Variants in LHFPL6 observed in about 807,000 individuals in gnomAD.
LHFPL6 encodes the protein LHFPL tetraspan subfamily member 6, also known as LHFPL tetraspan subfamily member 6 protein.
A neutral mutation model predicts 20.6 loss-of-function variants in LHFPL6; 9 were observed. That is an observed-to-expected ratio of 0.44 (90% CI 0.26 to 0.76). LHFPL6 has a LOEUF of 0.76. LHFPL6 is among the 30% of genes least tolerant of loss of function. The pLI is 0.20. For missense variants in LHFPL6, 218 were observed against 253.5 expected, an observed-to-expected ratio of 0.86 and a Z score of 0.95; for synonymous variants, 105 against 98.7, an observed-to-expected ratio of 1.06 and a Z score of -0.38.
intron 2 of LHFPL6, among the ~76,000 whole-genome samples, chr13:39,522,210 A>T (rs1464565512): frequency 6.6e-6 from 1 of 152,224 alleles, no homozygotes; most frequent in Non-Finnish European, 1.5e-5. Flanking sequence ...ATATTAATCC[A>T]GTAAACCCTC....
chr13:39,356,870 T>A (rs1453991014), intron 3 of LHFPL6, among the ~76,000 whole-genome samples: 1 of 152,172 alleles, frequency 6.6e-6, no homozygotes, highest in Non-Finnish European at 1.5e-5. Context: ...AATCAGAAAC[T>A]TAAAAAGCTA....
chr13:39,586,419 C>T (rs190031191), intron 2 of LHFPL6, among the ~76,000 whole-genome samples: 94 of 152,302 alleles, frequency 6.2e-4, no homozygotes, highest in Admixed American at 5.9e-3. Context: ...ACCACATCTA[C>T]ATACCATGGT....
intron 3 of LHFPL6, among the ~76,000 whole-genome samples, chr13:39,352,483 C>T (rs1342807664): frequency 6.6e-6 from 1 of 152,182 alleles, no homozygotes; most frequent in East Asian, 1.9e-4. Flanking sequence ...AGTTCCTGCC[C>T]TCTGACTGCA....
At chr13:39,587,648 T>C (rs566879440) in intron 2 of LHFPL6, among the ~76,000 whole-genome samples, 3 of 152,124 alleles carry the variant, frequency 2.0e-5, no homozygotes, top group South Asian at 4.1e-4. Context: ...TCCTAGATAT[T>C]TCAAACACAG....
intron 2 of LHFPL6, among the ~76,000 whole-genome samples, chr13:39,575,753 G>A (rs1320451731): frequency 2.0e-5 from 3 of 152,138 alleles, no homozygotes; most frequent in Admixed American, 6.5e-5. Context: ...TGTGGGGTCC[G>A]GTTCGCTTCT....
chr13:39,513,772 C>A (rs1272891407), intron 2 of LHFPL6, among the ~76,000 whole-genome samples: 1 of 152,192 alleles, frequency 6.6e-6, no homozygotes, highest in Non-Finnish European at 1.5e-5. Context: ...TTTTCAAGAT[C>A]CAAACACAGG....
intron 2 of LHFPL6, among the ~76,000 whole-genome samples, chr13:39,470,873 G>A (rs534524542): frequency 2.0e-5 from 3 of 152,030 alleles, no homozygotes; most frequent in Non-Finnish European, 2.9e-5. Flanking sequence ...TTCCATTAGC[G>A]GCCCATCATC....
chr13:39,552,325 T>C (rs978136), intron 2 of LHFPL6, among the ~76,000 whole-genome samples: 3,477 of 152,230 alleles, frequency 0.023, 94 homozygotes, highest in East Asian at 0.11. Context: ...ATTCAAAGAC[T>C]ATGATTGTGA....
chr13:39,526,883 C>T (rs1011972912), intron 2 of LHFPL6, among the ~76,000 whole-genome samples: 1 of 152,240 alleles, frequency 6.6e-6, no homozygotes, highest in Non-Finnish European at 1.5e-5. Context: ...TGAATACCCT[C>T]AAGAATCAAA....
intron 2 of LHFPL6, among the ~76,000 whole-genome samples, chr13:39,400,036 T>A (rs921094853): frequency 2.6e-5 from 4 of 152,078 alleles, no homozygotes; most frequent in African/African-American, 7.2e-5. Flanking sequence ...GAGATTGCGG[T>A]GAGCCAAGAT....
At chr13:39,481,813 G>A (rs987064122) in intron 2 of LHFPL6, among the ~76,000 whole-genome samples, 5 of 152,170 alleles carry the variant, frequency 3.3e-5, no homozygotes, top group African/African-American at 1.2e-4. Context: ...TTCAACAGGA[G>A]TGTGATATCA....
intron 2 of LHFPL6, among the ~76,000 whole-genome samples, chr13:39,450,813 T>C (rs1593317474): frequency 6.6e-6 from 1 of 152,294 alleles, no homozygotes; most frequent in Non-Finnish European, 1.5e-5. Context: ...AATATTCCCA[T>C]ACAGTATTTT....
At chr13:39,531,386 G>T (rs937032086) in intron 2 of LHFPL6, among the ~76,000 whole-genome samples, 6 of 152,016 alleles carry the variant, frequency 3.9e-5, no homozygotes, top group African/African-American at 1.5e-4. Flanking sequence ...TTACCCTTTG[G>T]ACACATAAAA....
intron 2 of LHFPL6, among the ~76,000 whole-genome samples, chr13:39,533,332 A>G (rs1345431049): frequency 6.6e-6 from 1 of 152,212 alleles, no homozygotes; most frequent in African/African-American, 2.4e-5. Context: ...GGGTGGTAGG[A>G]TGGCTCAGCT....
chr13:39,509,522 A>AT (rs1388071016), intron 2 of LHFPL6, among the ~76,000 whole-genome samples: 16 of 152,082 alleles, frequency 1.1e-4, no homozygotes, highest in African/African-American at 3.9e-4. Flanking sequence ...GTATATGCCT[A>AT]TTTTTAAATT....
Position 39,502,290 on chromosome 13 carries a change from T to A in LHFPL6, c.385+98542A>T, listed in dbSNP as rs185339379. 7.9e-4 allele frequency among the ~76,000 whole-genome samples: 120 copies of A among 152,256 alleles called. No homozygotes were observed. In the Middle Eastern group the frequency reaches 0.01, roughly 13 times the overall value. Reference sequence around the variant, plus strand: ...ATCAGTGATTCGCAAATGCTCCTCCTGATCATACAAGAGTCAACTCAGCAG... The same window carrying A: ...ATCAGTGATTCGCAAATGCTCCTCCAGATCATACAAGAGTCAACTCAGCAG... On this transcript the variant is annotated intron_variant, in intron 2 of 3. Transcript: ENST00000379589.
chr13:39,379,730 GAGGAAAGGCCTCCCTA>G (rs554031995), intron 2 of LHFPL6, among the ~76,000 whole-genome samples: 24 of 152,216 alleles, frequency 1.6e-4, no homozygotes, highest in African/African-American at 4.3e-4. Flanking sequence ...CAACTACCCT[GAGGAAAGGCCTCCCTA>G]AGGAAAGGCC....
intron 2 of LHFPL6, among the ~76,000 whole-genome samples, chr13:39,427,241 G>A (rs529040893): frequency 2.0e-5 from 3 of 152,296 alleles, no homozygotes; most frequent in African/African-American, 7.2e-5. Flanking sequence ...AATAAAAATA[G>A]TTTGCCTTTC....
rs147101518 is a variant in LHFPL6, at chr13:39,530,431, G to T, written c.385+70401C>A. Among the ~76,000 whole-genome samples the T allele has an allele frequency of 5.0e-3, 768 of 152,082 alleles. 4 individuals are homozygous for T. Among genetic ancestry groups the T allele is most frequent in the African/African-American group, 0.018 (730 of 41,460 alleles). ...GCACCATATCTGCCTCTACTTAAGG[G>T]CTTGAACTTAATTCCACTGGGTATG... On this transcript the variant is annotated intron_variant, in intron 2 of 3. Coordinates refer to ENST00000379589, the MANE Select transcript of LHFPL6 (RefSeq NM_005780.3).
Sources: gnomAD v4.1 joint callset for allele counts (sites outside exome capture counted in the v4.1 genomes callset) on GRCh38, gnomAD v4.1.1 for gene constraint, MANE v1.5 for transcripts, NCBI Gene and HGNC (gene_info 2026-07-23, HGNC 2026-07-21) for gene names.